Variants in HS3ST4 observed in about 807,000 individuals in gnomAD.
HS3ST4 encodes the protein heparan sulfate glucosamine 3-O-sulfotransferase 4.
A neutral mutation model predicts 29.2 loss-of-function variants in HS3ST4; 17 were observed. That is an observed-to-expected ratio of 0.58 (90% confidence interval 0.40 to 0.87). The LOEUF (loss-of-function observed/expected upper bound fraction) is 0.87. HS3ST4 is among the 40% of genes least tolerant of loss of function. The pLI is 0.00. For missense variants in HS3ST4, 627 were observed against 634.5 expected, an observed-to-expected ratio of 0.99 and a Z score of 0.13; for synonymous variants, 314 against 285.7, an observed-to-expected ratio of 1.10 and a Z score of -1.00.
intron 1 of HS3ST4, among the ~76,000 whole-genome samples, chr16:26,053,209 C>G (rs111289656): frequency 6.6e-6 from 1 of 152,170 alleles, no homozygotes; most frequent in Non-Finnish European, 1.5e-5. Flanking sequence ...TCAATGATGA[C>G]CATGTGGTCT....
At chr16:25,749,176 G>C (rs190622775) in intron 1 of HS3ST4, among the ~76,000 whole-genome samples, 2 of 152,188 alleles carry the variant, frequency 1.3e-5, no homozygotes, top group East Asian at 1.9e-4. Context: ...ACCTTTAGAC[G>C]TATTTTTTAG....
intron 1 of HS3ST4, among the ~76,000 whole-genome samples, chr16:25,917,218 TTTGA>T (rs1219546956): frequency 6.6e-6 from 1 of 152,086 alleles, no homozygotes; most frequent in Non-Finnish European, 1.5e-5. Flanking sequence ...TTTTTGTTTG[TTTGA>T]TTGTTTTCAA....
At position 25,983,353 on chromosome 16, in the gene HS3ST4, CA is replaced by C. The variant is rs1381154176; in HGVS notation, c.735-152258del. ...CTCAGCTATAAAATGAAAATAATAA[CA>C]CCTACATCTCAGGATTTTTGTGTGG... On this transcript the variant is annotated intron_variant, in intron 1 of 1. Coordinates refer to ENST00000331351, the MANE Select transcript of HS3ST4 (RefSeq NM_006040.3). Among the ~76,000 whole-genome samples, 10 of 152,312 alleles carry C rather than the reference CA, an allele frequency of 6.6e-5. No homozygotes were observed. The South Asian group carries it at 2.1e-3, about 32-fold the overall frequency.
chr16:25,791,231 T>C (rs774481331), intron 1 of HS3ST4, among the ~76,000 whole-genome samples: 1 of 152,134 alleles, frequency 6.6e-6, no homozygotes, highest in Non-Finnish European at 1.5e-5. Context: ...TTCTCTGTAT[T>C]CTGTTTTGCT....
In HS3ST4 at chr16:25,891,875, T is replaced by A. The variant is rs563097839; in HGVS notation, c.734+198724T>A. Among the ~76,000 whole-genome samples the A allele has an allele frequency of 2.0e-5, 3 of 152,352 alleles. No homozygotes were observed. The East Asian group carries it at 5.8e-4, about 29-fold the overall frequency. ...ACTTCACCACTTACTAGCTGAGTGA[T>A]GTTGGGTGAGTCATTTAAACTCTGT... On this transcript the variant is annotated intron_variant, in intron 1 of 1. Coordinates refer to ENST00000331351, the MANE Select transcript of HS3ST4 (RefSeq NM_006040.3).
intron 1 of HS3ST4, among the ~76,000 whole-genome samples, chr16:26,043,773 C>A (rs574512541): frequency 2.0e-4 from 31 of 152,302 alleles, no homozygotes; most frequent in African/African-American, 7.0e-4. Flanking sequence ...AGAAGCTGTA[C>A]TTTAAACCCC....
chr16:25,785,079 C>G (rs1046217052), intron 1 of HS3ST4, among the ~76,000 whole-genome samples: 1 of 152,216 alleles, frequency 6.6e-6, no homozygotes, highest in African/African-American at 2.4e-5. Flanking sequence ...GCCTCATTGA[C>G]AGCATATCTG....
intron 1 of HS3ST4, among the ~76,000 whole-genome samples, chr16:25,841,023 G>T (rs1013733708): frequency 2.7e-5 from 4 of 148,146 alleles, no homozygotes; most frequent in Non-Finnish European, 4.5e-5. Context: ...TATTTATGTT[G>T]AGACAGAGTC....
At chr16:25,798,595 G>A (rs1313878491) in intron 1 of HS3ST4, among the ~76,000 whole-genome samples, 1 of 152,138 alleles carries the variant, frequency 6.6e-6, no homozygotes, top group Non-Finnish European at 1.5e-5. Flanking sequence ...TGCTAATGGG[G>A]TGGTGGAAAA....
At chr16:25,902,433 A>G (rs1235117392) in intron 1 of HS3ST4, among the ~76,000 whole-genome samples, 5 of 152,144 alleles carry the variant, frequency 3.3e-5, no homozygotes, top group Non-Finnish European at 5.9e-5. Context: ...AGCTGCAGTG[A>G]GTTGTGATCA....
intron 1 of HS3ST4, among the ~76,000 whole-genome samples, chr16:26,123,836 A>T (rs1156733814): frequency 6.6e-6 from 1 of 152,234 alleles, no homozygotes; most frequent in East Asian, 1.9e-4. Flanking sequence ...TTGCTGCAAA[A>T]GACATTATTT....
intron 1 of HS3ST4, among the ~76,000 whole-genome samples, chr16:25,790,890 T>C (rs1966867757): frequency 6.6e-6 from 1 of 152,226 alleles, no homozygotes; most frequent in South Asian, 2.1e-4. Context: ...TAGTAATTCT[T>C]AATTTTTATA....
intron 1 of HS3ST4, among the ~76,000 whole-genome samples, chr16:25,891,926 G>A (rs1968012383): frequency 6.6e-6 from 1 of 152,168 alleles, no homozygotes; most frequent in Non-Finnish European, 1.5e-5. Context: ...TCTATGAAAT[G>A]GGACTACTAG....
At chr16:25,781,107 A>G (rs1489430601) in intron 1 of HS3ST4, among the ~76,000 whole-genome samples, 2 of 152,080 alleles carry the variant, frequency 1.3e-5, no homozygotes, top group Non-Finnish European at 2.9e-5. Flanking sequence ...TATAAAAGGG[A>G]AGTGGTTGAC....
chr16:25,716,864 G>A (rs1966457806), intron 1 of HS3ST4, among the ~76,000 whole-genome samples: 1 of 152,148 alleles, frequency 6.6e-6, no homozygotes, highest in Non-Finnish European at 1.5e-5. Flanking sequence ...GACCAGCCTG[G>A]CCAACATGGT....
chr16:26,101,789 C>G (rs1264311479), intron 1 of HS3ST4, among the ~76,000 whole-genome samples: 1 of 152,064 alleles, frequency 6.6e-6, no homozygotes, highest in Non-Finnish European at 1.5e-5. Flanking sequence ...CTTTTTGATT[C>G]TACATATTTT....
At chr16:26,077,934 G>C (rs1010108498) in intron 1 of HS3ST4, among the ~76,000 whole-genome samples, 1 of 152,142 alleles carries the variant, frequency 6.6e-6, no homozygotes, top group Admixed American at 6.5e-5. Context: ...GATTAGCCAG[G>C]CTTGGCGGTA....
chr16:26,133,642 C>T (rs1396597931), intron 1 of HS3ST4, among the ~76,000 whole-genome samples: 1 of 152,160 alleles, frequency 6.6e-6, no homozygotes, highest in Non-Finnish European at 1.5e-5. Flanking sequence ...TTCCTCTTGC[C>T]TCATAAAAGT....
intron 1 of HS3ST4, among the ~76,000 whole-genome samples, chr16:25,732,784 C>T (rs1423416770): frequency 6.6e-6 from 1 of 152,156 alleles, no homozygotes. Context: ...TCTTCATTGT[C>T]GGTTTCTTTC....
Sources: gnomAD v4.1 joint callset for allele counts (sites outside exome capture counted in the v4.1 genomes callset) on GRCh38, gnomAD v4.1.1 for gene constraint, MANE v1.5 for transcripts, NCBI Gene and HGNC (gene_info 2026-07-23, HGNC 2026-07-21) for gene names.